The following MGST3 variants were observed in gnomAD, a reference collection of about 807,000 sequenced individuals.
The protein encoded by MGST3 is microsomal glutathione S-transferase 3.
MGST3 carries 13 observed loss-of-function variants against 15.8 expected under a neutral mutation model. The ratio of observed to expected loss-of-function variants is 0.82; its 90% CI spans 0.54 to 1.31. MGST3 has a LOEUF of 1.31. MGST3 is among the 50% of genes most tolerant of loss of function. MGST3 has a pLI of 0.00. For missense variants in MGST3, 155 were observed against 192.4 expected (o/e 0.81, Z 1.15); for synonymous variants, 49 against 68.1 (o/e 0.72, Z 1.38).
chr1:165,633,099 G>A (rs1647998557), intron 1 of MGST3, among the ~76,000 whole-genome samples: 1 of 152,142 alleles, frequency 6.6e-6, no homozygotes, highest in Non-Finnish European at 1.5e-5. Context: ...TACTGCTACG[G>A]TTTTTGCAGC....
intron 5 of MGST3, among the ~76,000 whole-genome samples, chr1:165,654,690 CA>C (rs920579765): frequency 4.7e-5 from 7 of 149,702 alleles, no homozygotes; most frequent in Non-Finnish European, 3.0e-5. Context: ...GATCCTATCT[CA>C]AAAAAAAATA....
intron 1 of MGST3, among the ~76,000 whole-genome samples, chr1:165,643,729 G>A (rs1648319021): frequency 6.6e-6 from 1 of 151,718 alleles, no homozygotes; most frequent in African/African-American, 2.4e-5. Flanking sequence ...TTAGCCGGGT[G>A]TTGTGGCGGG....
intron 1 of MGST3, among the ~76,000 whole-genome samples, chr1:165,643,949 T>C (rs917202014): frequency 3.3e-5 from 5 of 151,744 alleles, no homozygotes; most frequent in Non-Finnish European, 5.9e-5. Context: ...CCCCAGCTAC[T>C]TGGGAGGCTG....
chr1:165,654,516 C>T (rs1056408250), intron 5 of MGST3, among the ~76,000 whole-genome samples, 165 bp downstream of exon 5: 1 of 152,076 alleles, frequency 6.6e-6, no homozygotes, highest in African/African-American at 2.4e-5. Context: ...CATGGTGAAA[C>T]CCTGTCTCTA....
chr1:165,654,690 C>CA (rs920579765), intron 5 of MGST3, among the ~76,000 whole-genome samples: 75 of 149,814 alleles, frequency 5.0e-4, no homozygotes, highest in African/African-American at 1.3e-3. Context: ...GATCCTATCT[C>CA]AAAAAAAAAT....
intron 1 of MGST3, among the ~76,000 whole-genome samples, chr1:165,636,109 C>T (rs1345723111): frequency 6.6e-6 from 1 of 152,172 alleles, no homozygotes; most frequent in African/African-American, 2.4e-5. Context: ...AACTAGCATT[C>T]TGAAAATGTA....
chr1:165,637,493 T>C (rs1324250352), intron 1 of MGST3, among the ~76,000 whole-genome samples: 1 of 152,196 alleles, frequency 6.6e-6, no homozygotes. Context: ...GAATTTCTGA[T>C]GGGCAGCCAA....
chr1:165,634,117 T>G (rs1372587309), intron 1 of MGST3, among the ~76,000 whole-genome samples: 4 of 152,104 alleles, frequency 2.6e-5, no homozygotes, highest in Non-Finnish European at 5.9e-5. Flanking sequence ...TCTCTTCTTG[T>G]TAATGTATTT....
chr1:165,634,343 A>G (rs1438250072), intron 1 of MGST3, among the ~76,000 whole-genome samples: 2 of 152,142 alleles, frequency 1.3e-5, no homozygotes, highest in Non-Finnish European at 2.9e-5. Flanking sequence ...GCGTTTCTTC[A>G]TCTGCAAAAT....
rs533918869 is a variant in MGST3, at chr1:165,649,540, G to A, written c.-7-301G>A. 77 of 314,998 alleles carry A rather than the reference G, an allele frequency of 2.4e-4. No individual in the cohort carries two copies. In the East Asian group the frequency reaches 4.7e-3, roughly 19 times the overall value. 19.5% of individuals were successfully genotyped at this position (314,998 alleles called of 1,614,324 possible). On this transcript the variant is annotated intron_variant, in intron 1 of 5. Transcript: ENST00000367889. ...GTTGGCTATATTATTCTACAGCAACGACTACTGCAGTGGTGTAGATAAATC... is the reference window on the plus strand; with the variant it reads ...GTTGGCTATATTATTCTACAGCAACAACTACTGCAGTGGTGTAGATAAATC...
At chr1:165,644,173 A>G (rs1648333725) in intron 1 of MGST3, among the ~76,000 whole-genome samples, 1 of 152,114 alleles carries the variant, frequency 6.6e-6, no homozygotes, top group Admixed American at 6.5e-5. Context: ...TTATGTGTTC[A>G]CTCATGATGG....
At chr1:165,642,222 C>T (rs1332668479) in intron 1 of MGST3, among the ~76,000 whole-genome samples, 3 of 152,184 alleles carry the variant, frequency 2.0e-5, no homozygotes, top group African/African-American at 7.2e-5. Context: ...CTGTTCGTCT[C>T]CAGCACTAGC....
intron 1 of MGST3, chr1:165,648,962 G>A (rs930902529): frequency 1.2e-4 from 18 of 152,228 alleles, no homozygotes; most frequent in African/African-American, 4.1e-4. Flanking sequence ...TTCCAGATCA[G>A]GGTAACTCTC....
intron 4 of MGST3, among the ~76,000 whole-genome samples, chr1:165,652,825 A>G (rs1367521564): frequency 3.9e-5 from 6 of 152,218 alleles, no homozygotes; most frequent in African/African-American, 1.2e-4. Flanking sequence ...CCTCTGCAGT[A>G]TAGATAGCCC....
chr1:165,651,097 G>A lies in MGST3; in HGVS notation c.191+10G>A, dbSNP rs1461064984. The stretch of plus-strand genomic sequence containing the variant: ...GAGCCCACCAGAACACGTGAGTGTC[G>A]GCCCTGCCGGGCACCAAAGACATCT... On this transcript the variant is annotated intron_variant, in intron 3 of 5. Transcript: ENST00000367889. 5.6e-6 allele frequency: 9 copies of A among 1,613,368 alleles called. No individual in the cohort carries two copies. The highest frequency in any genetic ancestry group is 1.3e-5 in the African/African-American group (1 of 74,892).
intron 1 of MGST3, among the ~76,000 whole-genome samples, chr1:165,634,780 T>TCTCCCTCC (rs1175206266): frequency 3.2e-5 from 2 of 62,132 alleles, no homozygotes; most frequent in East Asian, 5.1e-4. Flanking sequence ...TCTCCCTCCC[T>TCTCCCTCC]CTCCCTCCCT....
rs1648690249 is a variant in MGST3 at position 165,655,671 on chromosome 1, A to G, written c.*167A>G. On this transcript the variant is annotated 3_prime_UTR_variant, in exon 6 of 6. Coordinates refer to ENST00000367889, the MANE Select transcript of MGST3 (RefSeq NM_004528.4). ...GTTTGAGTCTGTATCTGAAATCAGT[A>G]GCCTAGTCCTACTAGATGAGAAAGG... 1.3e-6 allele frequency: 1 copy of G among 788,442 alleles called. No homozygotes were observed. The highest frequency in any genetic ancestry group is 1.8e-5 in the South Asian group (1 of 55,700). 48.8% of individuals were successfully genotyped at this position (788,442 alleles called of 1,614,324 possible).
intron 3 of MGST3, 68 bp downstream of exon 3, chr1:165,651,155 C>T: frequency 1.5e-6 from 2 of 1,311,114 alleles, no homozygotes; most frequent in South Asian, 1.2e-5. Context: ...AACACCTCAG[C>T]CCTTAGTGCG....
chr1:165,642,207 G>A (rs143249866), intron 1 of MGST3, among the ~76,000 whole-genome samples: 78 of 152,332 alleles, frequency 5.1e-4, no homozygotes, highest in Non-Finnish European at 9.3e-4. Context: ...ACCTCTGGCT[G>A]TTCCCTGTTC....
Sources: allele counts gnomAD v4.1 joint callset (sites outside exome capture counted in the v4.1 genomes callset), GRCh38; gene constraint gnomAD v4.1.1; transcripts MANE v1.5; gene names NCBI Gene and HGNC (gene_info 2026-07-23, HGNC 2026-07-21).